Variants in HSPG2 observed in about 807,000 individuals in gnomAD.
HSPG2 encodes basement membrane-specific heparan sulfate proteoglycan core protein.
A neutral mutation model predicts 526.6 loss-of-function variants in HSPG2; 278 were observed. The observed-to-expected ratio is 0.53, with a 90% CI of 0.48 to 0.58. The LOEUF is 0.58. HSPG2 is among the 20% of genes least tolerant of loss of function. HSPG2 has a pLI of 0.00. For missense variants in HSPG2, 5,354 were observed against 6,099.5 expected (o/e 0.88, Z 4.07); for synonymous variants, 2,465 against 2,555.4 (o/e 0.96, Z 1.07).
chr1:21,864,310 A>AC lies in HSPG2; in HGVS notation c.4627-98dup. On this transcript the variant is annotated intron_variant, in intron 36 of 96. Transcript: ENST00000374695. The surrounding 1 kb of genome is among the most constrained non-coding windows in gnomAD (Gnocchi z 4.8). ...TCCCTCCAGTGTCCTCCCAGGGGTGACCCTGGAACATCACAGGCCGGCGCC... is the reference window on the plus strand; with the variant it reads ...TCCCTCCAGTGTCCTCCCAGGGGTGACCCCTGGAACATCACAGGCCGGCGCC... 1 of 989,496 alleles carries AC rather than the reference A, an allele frequency of 1.0e-6. No homozygotes were observed. The highest frequency in any genetic ancestry group is 1.6e-6 in the Non-Finnish European group (1 of 637,398). 61.3% of individuals were successfully genotyped at this position (989,496 alleles called of 1,614,324 possible).
intron 33 of HSPG2, among the ~76,000 whole-genome samples, chr1:21,868,050 T>C (rs1219365025): frequency 6.7e-6 from 1 of 149,774 alleles, no homozygotes; most frequent in East Asian, 2.0e-4. Flanking sequence ...ATTTTTTTTT[T>C]TTCTTTGAGA....
At position 21,842,776 on chromosome 1, in the gene HSPG2, C is replaced by G; in HGVS notation, c.8904G>C (p.Arg2968=). 2 of 1,613,160 alleles carry G rather than the reference C, an allele frequency of 1.2e-6. No individual in the cohort carries two copies. The highest frequency in any genetic ancestry group is 1.7e-5 in the Admixed American group (1 of 60,032). Residue 2968 remains arginine, a synonymous_variant, in exon 67 of 97, where the codon CGG becomes CGC. Coordinates refer to ENST00000374695, the MANE Select transcript of HSPG2 (RefSeq NM_005529.7). ...WYKRGGSLPA[R]HQTHGSQLRL... Reference sequence around the variant, plus strand: ...CCCATCCTGGCCCCTGTACCTGGTGCCGGGCGGGGAGGCTGCCCCCGCGCT... The same window carrying G: ...CCCATCCTGGCCCCTGTACCTGGTGGCGGGCGGGGAGGCTGCCCCCGCGCT...
chr1:21,896,096 C>T, intron 2 of HSPG2, 79 bp downstream of exon 2: 1 of 1,607,798 alleles, frequency 6.2e-7, no homozygotes. Flanking sequence ...GGTCGGTCAC[C>T]CTCCTCCCCC....
chr1:21,876,120 A>T, intron 23 of HSPG2, 78 bp from the exon 24 acceptor site: 1 of 1,580,506 alleles, frequency 6.3e-7, no homozygotes, highest in Non-Finnish European at 8.7e-7. Flanking sequence ...TTTTCCATGC[A>T]GTGTATCTCA....
chr1:21,880,963 C>T, intron 14 of HSPG2, 128 bp from the exon 15 acceptor site: 1 of 990,488 alleles, frequency 1.0e-6, no homozygotes, highest in Non-Finnish European at 1.5e-6. Flanking sequence ...GTGCCAGGCA[C>T]TGAGCTAGGC....
At chr1:21,863,424 CAT>C (rs1639984084) in intron 37 of HSPG2, among the ~76,000 whole-genome samples, 4 of 151,692 alleles carry the variant, frequency 2.6e-5, no homozygotes, top group Admixed American at 2.6e-4. Context: ...CTCATAAAAA[CAT>C]GTGGGTTACA....
In HSPG2 at chr1:21,848,043, G is replaced by T; in HGVS notation, c.7788C>A (p.Gly2596=). The change falls in exon 60 of 97, where the codon GGC becomes GGA. Residue 2596 remains glycine (G), a synonymous_variant. Coordinates refer to ENST00000374695, the MANE Select transcript of HSPG2 (RefSeq NM_005529.7). The surrounding 1 kb of genome is among the most constrained non-coding windows in gnomAD (Gnocchi z 4.9). ...RIPQVTPADS[G]EYVCHVSNGA... is the part of the protein sequence containing the mutation. ...CGTTACTGACGTGACACACGTACTC[G>T]CCCGAGTCTGCCGGAGTCACCTGAG... 1 of 1,613,074 alleles carries T rather than the reference G, an allele frequency of 6.2e-7. No individual in the cohort carries two copies. Among genetic ancestry groups the T allele is most frequent in the South Asian group, 1.1e-5 (1 of 91,018 alleles).
intron 86 of HSPG2, 103 bp from the exon 87 acceptor site, chr1:21,829,707 A>G: frequency 9.8e-7 from 1 of 1,019,336 alleles, no homozygotes; most frequent in Non-Finnish European, 1.4e-6. Context: ...CTCACTCTCC[A>G]GGCCCAGAGG....
rs894616961 is a variant in HSPG2 at position 21,865,393 on chromosome 1, G to A, written c.4315-28C>T. 3.1e-6 allele frequency: 5 copies of A among 1,607,872 alleles called. No individual in the cohort carries two copies. In the African/African-American group the frequency reaches 4.0e-5, roughly 13 times the overall value. On this transcript the variant is annotated intron_variant, in intron 34 of 96. Transcript: ENST00000374695. This position sits in a 1 kb window ranked among gnomAD's most constrained non-coding sequence, Gnocchi z 5.4. The stretch of plus-strand genomic sequence containing the variant: ...GGAAAGACACCAGCAGGATTGGAAG[G>A]GGAGCCGAGGGGTCCCTGGGGTGCC...
chr1:21,843,511 C>A, intron 65 of HSPG2, 73 bp from the exon 66 acceptor site: 2 of 1,504,418 alleles, frequency 1.3e-6, no homozygotes, highest in Admixed American at 1.9e-5. Flanking sequence ...GGTACCCACA[C>A]CCTGGGACTG....
intron 1 of HSPG2, among the ~76,000 whole-genome samples, chr1:21,933,597 T>C (rs2152806778): frequency 6.6e-6 from 1 of 152,306 alleles, no homozygotes; most frequent in South Asian, 2.1e-4. Flanking sequence ...GACCCACAGA[T>C]CCTAACTTGT....
At chr1:21,874,081 A>T in intron 28 of HSPG2, 70 bp from the exon 29 acceptor site, 1 of 1,355,572 alleles carries the variant, frequency 7.4e-7, no homozygotes, top group East Asian at 2.5e-5. Flanking sequence ...CTCCTTCAGG[A>T]CCAGGGGAGA....
At chr1:21,884,257 G>C (rs191453045) in intron 13 of HSPG2, among the ~76,000 whole-genome samples, 4 of 152,264 alleles carry the variant, frequency 2.6e-5, no homozygotes, top group Admixed American at 2.6e-4. Context: ...GGTGGACAGC[G>C]TCCACGTCAG....
Position 21,874,969 on chromosome 1 carries a change from G to C in HSPG2, c.3336C>G (p.Pro1112=). ...GCGCGGGGTCCTGGCCGGTTTCCTCGGGCACAGCCACGTCCATGCTGATGC... is the reference window on the plus strand; with the variant it reads ...GCGCGGGGTCCTGGCCGGTTTCCTCCGGCACAGCCACGTCCATGCTGATGC... ...VSGISMDVAV[P]EETGQDPALE... is the part of the protein sequence containing the mutation. Residue 1112 remains proline, a synonymous_variant, in exon 26 of 97, where the codon CCC becomes CCG. Transcript: ENST00000374695. 1.2e-6 allele frequency: 2 copies of C among 1,609,426 alleles called. No individual in the cohort carries two copies. The highest frequency in any genetic ancestry group is 1.1e-5 in the South Asian group (1 of 90,130).
At chr1:21,823,815 C>T in intron 95 of HSPG2, 96 bp from the exon 96 acceptor site, 3 of 944,188 alleles carry the variant, frequency 3.2e-6, no homozygotes, top group Non-Finnish European at 5.1e-6. Context: ...AGACTCCAGA[C>T]TCAGAAGTCT....
At position 21,888,127 on chromosome 1, in the gene HSPG2, G is replaced by A. The variant is rs1382591466; in HGVS notation, c.575-61C>T. On this transcript the variant is annotated intron_variant, in intron 6 of 96. Coordinates refer to ENST00000374695, the MANE Select transcript of HSPG2 (RefSeq NM_005529.7). ...CGGCAGGAGGCAGGTGCGGGAAGCT[G>A]TAGGTGCTGTGTGGCTGGAGTGGGC... 8.7e-6 allele frequency: 14 copies of A among 1,606,834 alleles called. No homozygotes were observed. In the African/African-American group the frequency reaches 1.7e-4, roughly 20 times the overall value.
chr1:21,896,433 A>G (rs1169062061), intron 1 of HSPG2, 123 bp from the exon 2 acceptor site: 11 of 1,216,792 alleles, frequency 9.0e-6, no homozygotes, highest in Non-Finnish European at 1.2e-5. Context: ...GTTAAATTTG[A>G]CTTAGTATGG....
Position 21,854,315 on chromosome 1 carries a change from T to A in HSPG2, c.6317A>T (p.Gln2106Leu). 2 of 1,572,264 alleles carry A rather than the reference T, an allele frequency of 1.3e-6. No individual in the cohort carries two copies. Among genetic ancestry groups the A allele is most frequent in the Non-Finnish European group, 1.7e-6 (2 of 1,158,562 alleles). Reference sequence around the variant, plus strand: ...TTCTCCAGAATCAGCTGGTGAGACCTGGGGGAGCCGCAGACGGGAGCCGTG... The same window carrying A: ...TTCTCCAGAATCAGCTGGTGAGACCAGGGGGAGCCGCAGACGGGAGCCGTG... ...QVHGSRLRLP[Q>L]VSPADSGEYV... Residue 2106 changes from glutamine (Q) to leucine (L), a missense_variant, in exon 50 of 97, where the codon CAG becomes CTG. Gln to Leu is a moderately radical substitution (Grantham distance 113). Transcript: ENST00000374695.
intron 12 of HSPG2, 25 bp downstream of exon 12, chr1:21,884,742 G>T: frequency 6.2e-7 from 1 of 1,612,498 alleles, no homozygotes; most frequent in Non-Finnish European, 8.5e-7. Flanking sequence ...CCCCACACCC[G>T]GTGACACCTG....
Sources: gnomAD v4.1 joint callset for allele counts (sites outside exome capture counted in the v4.1 genomes callset) on GRCh38, gnomAD v4.1.1 for gene constraint, Gnocchi (gnomAD v3.1) non-coding constraint, MANE v1.5 for transcripts, NCBI Gene and HGNC (gene_info 2026-07-23, HGNC 2026-07-21) for gene names.